TACR3: variants seen among roughly 807,000 people sequenced by gnomAD.
The protein encoded by TACR3 is neuromedin-K receptor.
In TACR3, 34 loss-of-function variants were observed where a neutral mutation model predicts 35.0. The observed-to-expected ratio is 0.97, with a 90% CI of 0.74 to 1.30. The LOEUF is 1.30. Ranked by LOEUF, TACR3 falls within the 50% of genes most tolerant of loss-of-function variation. TACR3 has a pLI of 0.00. For missense variants in TACR3, 558 were observed against 591.7 expected, an observed-to-expected ratio of 0.94 and a Z score of 0.59; for synonymous variants, 233 against 221.1, an observed-to-expected ratio of 1.05 and a Z score of -0.48.
chr4:103,595,352 T>C (rs1038022608), intron 3 of TACR3, among the ~76,000 whole-genome samples: 1 of 152,166 alleles, frequency 6.6e-6, no homozygotes. Flanking sequence ...CCATTACCCT[T>C]GGAAACTTAC....
At position 103,658,417 on chromosome 4, in the gene TACR3, A is replaced by G. The variant is rs1282915016; in HGVS notation, c.549-14T>C. 6.2e-7 allele frequency: 1 copy of G among 1,611,150 alleles called. No homozygotes were observed. The highest frequency in any genetic ancestry group is 1.7e-5 in the Admixed American group (1 of 59,906). On this transcript the variant is annotated splice_polypyrimidine_tract_variant and intron_variant, in intron 1 of 4. Coordinates refer to ENST00000304883, the MANE Select transcript of TACR3 (RefSeq NM_001059.3). The stretch of plus-strand genomic sequence containing the variant: ...ATAGCCATATACCTATATAAAAACA[A>G]ACAAAACCATTTCATTGGTTTTCTT...
chr4:103,615,398 T>TGAGAGAGAGA (rs111766715), intron 3 of TACR3, among the ~76,000 whole-genome samples: 2 of 117,138 alleles, frequency 1.7e-5, no homozygotes, highest in African/African-American at 5.8e-5. Context: ...TGTGTGTGTG[T>TGAGAGAGAGA]GAGAGAGAGA....
In TACR3 at chr4:103,683,420, T is replaced by C. The variant is rs1219659626; in HGVS notation, c.549-25017A>G. Among the ~76,000 whole-genome samples, 5 of 55,250 alleles carry C rather than the reference T, an allele frequency of 9.0e-5. No homozygotes were observed. In the Admixed American group the frequency reaches 1.3e-3, roughly 14 times the overall value. The allele number at this position is 55,250 out of a possible 152,430, so 36.2% of individuals were successfully genotyped here. On this transcript the variant is annotated intron_variant, in intron 1 of 4. Transcript: ENST00000304883. ...AAAGAAAATCAGTGAATCCAAAAAATAACCTTTTGGAAAGCTTGCTAAAAT... is the reference window on the plus strand; with the variant it reads ...AAAGAAAATCAGTGAATCCAAAAAACAACCTTTTGGAAAGCTTGCTAAAAT...
At chr4:103,693,272 C>A (rs1424933536) in intron 1 of TACR3, among the ~76,000 whole-genome samples, 1 of 152,114 alleles carries the variant, frequency 6.6e-6, no homozygotes, top group Non-Finnish European at 1.5e-5. Context: ...ACATAGAAGT[C>A]TATTTTGAAA....
At chr4:103,674,812 A>G (rs1188617772) in intron 1 of TACR3, among the ~76,000 whole-genome samples, 2 of 152,166 alleles carry the variant, frequency 1.3e-5, no homozygotes, top group Non-Finnish European at 2.9e-5. Flanking sequence ...GGCCTTCCAA[A>G]GTGCTGGGAT....
chr4:103,597,901 C>T (rs145900889), intron 3 of TACR3, among the ~76,000 whole-genome samples: 2,485 of 152,116 alleles, frequency 0.016, 55 homozygotes, highest in African/African-American at 0.057. Context: ...TGAATAGTGC[C>T]GCTATAAACA....
intron 1 of TACR3, among the ~76,000 whole-genome samples, chr4:103,702,528 TG>T (rs1358363525): frequency 6.6e-6 from 1 of 152,184 alleles, no homozygotes; most frequent in Non-Finnish European, 1.5e-5. Context: ...AAATACCATT[TG>T]ACTCAGACAT....
At chr4:103,719,022 C>G in intron 1 of TACR3, 106 bp downstream of exon 1, 2 of 1,492,906 alleles carry the variant, frequency 1.3e-6, no homozygotes. Context: ...AGTCTCTTTA[C>G]TTTTATAGAC....
chr4:103,628,302 G>C (rs970873896), intron 3 of TACR3, among the ~76,000 whole-genome samples: 1 of 152,128 alleles, frequency 6.6e-6, no homozygotes, highest in Admixed American at 6.5e-5. Context: ...GATCAGAGCA[G>C]ACCTGAAGGA....
intron 3 of TACR3, among the ~76,000 whole-genome samples, chr4:103,620,333 T>C (rs1423946897): frequency 1.3e-5 from 2 of 152,206 alleles, no homozygotes; most frequent in East Asian, 3.8e-4. Flanking sequence ...ATGACCGCTA[T>C]GGAAATCAGT....
chr4:103,651,637 T>C (rs1725620058), intron 3 of TACR3, among the ~76,000 whole-genome samples: 1 of 151,846 alleles, frequency 6.6e-6, no homozygotes, highest in Admixed American at 6.6e-5. Flanking sequence ...TACTTTTCCC[T>C]TAGCTTTTCT....
At chr4:103,598,336 T>G (rs540858082) in intron 3 of TACR3, among the ~76,000 whole-genome samples, 15 of 152,210 alleles carry the variant, frequency 9.9e-5, no homozygotes, top group Admixed American at 5.2e-4. Flanking sequence ...TGAGTTCATT[T>G]TAGATTCTGG....
intron 3 of TACR3, among the ~76,000 whole-genome samples, chr4:103,604,752 A>C (rs1421286529): frequency 6.6e-6 from 1 of 151,960 alleles, no homozygotes; most frequent in African/African-American, 2.4e-5. Context: ...TTCTCAAAAC[A>C]AGACAGTTAT....
rs181479681 is a variant in TACR3 at position 103,708,840 on chromosome 4, C to T, written c.548+10288G>A. 5.7e-3 allele frequency among the ~76,000 whole-genome samples: 873 copies of T among 152,168 alleles called. 7 individuals carry two copies. The highest frequency in any genetic ancestry group is 0.02 in the African/African-American group (823 of 41,516). On this transcript the variant is annotated intron_variant, in intron 1 of 4. Coordinates refer to ENST00000304883, the MANE Select transcript of TACR3 (RefSeq NM_001059.3). ...CCTGATAGAGGTGAAAGCCATGGCA[C>T]GAGAACTATGTGACAAATGCACAAG...
At chr4:103,712,335 C>T (rs1305840527) in intron 1 of TACR3, among the ~76,000 whole-genome samples, 5 of 152,186 alleles carry the variant, frequency 3.3e-5, no homozygotes, top group Non-Finnish European at 5.9e-5. Context: ...CTACAACCAT[C>T]TGATCTTTGA....
chr4:103,636,733 C>T (rs987393527), intron 3 of TACR3, among the ~76,000 whole-genome samples: 5 of 151,862 alleles, frequency 3.3e-5, no homozygotes, highest in Non-Finnish European at 7.4e-5. Context: ...CAAATAGACG[C>T]AATAAAAAAT....
intron 3 of TACR3, among the ~76,000 whole-genome samples, chr4:103,601,175 C>T (rs986543197): frequency 1.8e-4 from 28 of 152,072 alleles, no homozygotes; most frequent in Admixed American, 1.2e-3. Flanking sequence ...GGATAGTTAG[C>T]TCTTCTTGTT....
At chr4:103,626,689 G>A (rs184590167) in intron 3 of TACR3, among the ~76,000 whole-genome samples, 3 of 152,204 alleles carry the variant, frequency 2.0e-5, no homozygotes. Flanking sequence ...GTTTTCTCCG[G>A]TATGAAAGAA....
intron 3 of TACR3, among the ~76,000 whole-genome samples, chr4:103,639,355 A>G (rs975840745): frequency 6.6e-6 from 1 of 151,846 alleles, no homozygotes; most frequent in African/African-American, 2.4e-5. Flanking sequence ...AAAACCAAAC[A>G]CTGCATGTTC....
Sources: gnomAD v4.1 joint callset for allele counts (sites outside exome capture counted in the v4.1 genomes callset) on GRCh38, gnomAD v4.1.1 for gene constraint, MANE v1.5 for transcripts, NCBI Gene and HGNC (gene_info 2026-07-23, HGNC 2026-07-21) for gene names.